Variants in MAGI1 observed in about 807,000 individuals in gnomAD.
The protein encoded by MAGI1 is membrane-associated guanylate kinase, WW and PDZ domain-containing protein 1.
In MAGI1, 58 loss-of-function variants were observed where a neutral mutation model predicts 139.9. The observed-to-expected ratio is 0.41, with a 90% CI of 0.34 to 0.52. The LOEUF (loss-of-function observed/expected upper bound fraction) is 0.52. MAGI1 is among the 20% of genes least tolerant of loss of function. The probability of loss-of-function intolerance (pLI) is 0.12; values close to 1 mark genes in which losing one functional copy is unlikely to be tolerated. For missense variants in MAGI1, 1,874 were observed against 1,901.6 expected (o/e 0.99, Z 0.27); for synonymous variants, 812 against 737.9 (o/e 1.10, Z -1.63).
At chr3:65,747,191 T>G (rs1032251242) in intron 1 of MAGI1, among the ~76,000 whole-genome samples, 1 of 152,194 alleles carries the variant, frequency 6.6e-6, no homozygotes, top group Non-Finnish European at 1.5e-5. Flanking sequence ...TGTATGAAAG[T>G]GGTTCTCAAA....
At chr3:65,846,974 T>TAAAAAAAAAAAAAA (rs1300326490) in intron 1 of MAGI1, among the ~76,000 whole-genome samples, 1 of 22,324 alleles carries the variant, frequency 4.5e-5, no homozygotes, top group Non-Finnish European at 6.4e-5. Context: ...AGCAATGTCT[T>TAAAAAAAAAAAAAA]ACAAAAAAAA....
intron 2 of MAGI1, among the ~76,000 whole-genome samples, chr3:65,610,604 C>T (rs901440875): frequency 6.6e-6 from 1 of 151,064 alleles, no homozygotes; most frequent in Non-Finnish European, 1.5e-5. Context: ...GAATATGTAT[C>T]CCTCAAGTCA....
chr3:65,658,033 T>C (rs183409371), intron 1 of MAGI1, among the ~76,000 whole-genome samples: 29 of 152,300 alleles, frequency 1.9e-4, no homozygotes, highest in African/African-American at 7.0e-4. Context: ...GAAAATAATT[T>C]GAGGTTTAAT....
chr3:65,551,700 C>T (rs1325303804), intron 2 of MAGI1, among the ~76,000 whole-genome samples: 7 of 152,232 alleles, frequency 4.6e-5, no homozygotes, highest in Non-Finnish European at 8.8e-5. Flanking sequence ...ATTTGTTACA[C>T]TTCACATAAT....
intron 6 of MAGI1, among the ~76,000 whole-genome samples, chr3:65,451,790 G>A (rs1280813353): frequency 2.6e-5 from 4 of 151,966 alleles, no homozygotes; most frequent in East Asian, 1.9e-4. Context: ...GACCACAGGC[G>A]CATGCCAACA....
intron 2 of MAGI1, among the ~76,000 whole-genome samples, chr3:65,568,208 G>A (rs115103163): frequency 6.6e-6 from 1 of 152,192 alleles, no homozygotes; most frequent in Non-Finnish European, 1.5e-5. Flanking sequence ...CTTGTTGATA[G>A]TGAAGCAGGA....
At chr3:65,714,984 G>T (rs1043224462) in intron 1 of MAGI1, among the ~76,000 whole-genome samples, 5 of 152,086 alleles carry the variant, frequency 3.3e-5, no homozygotes, top group Admixed American at 6.6e-5. Context: ...TCTGGACAAA[G>T]GATGGTGACA....
At chr3:65,973,692 T>G (rs2065116708) in intron 1 of MAGI1, among the ~76,000 whole-genome samples, 1 of 152,210 alleles carries the variant, frequency 6.6e-6, no homozygotes, top group Non-Finnish European at 1.5e-5. Flanking sequence ...TCATTATCCA[T>G]AAAATAGGGA....
At chr3:65,760,148 TTCCTCCTCC>T (rs34314563) in intron 1 of MAGI1, among the ~76,000 whole-genome samples, 4 of 150,298 alleles carry the variant, frequency 2.7e-5, no homozygotes, top group Non-Finnish European at 4.4e-5. Flanking sequence ...TGTCTTCAAC[TTCCTCCTCC>T]TCCTCCTCCT....
At chr3:65,515,207 C>T (rs1308066146) in intron 2 of MAGI1, among the ~76,000 whole-genome samples, 8 of 145,592 alleles carry the variant, frequency 5.5e-5, no homozygotes, top group Admixed American at 5.5e-4. Context: ...ATACCTAATG[C>T]TAGATGACGA....
intron 1 of MAGI1, among the ~76,000 whole-genome samples, chr3:65,807,265 T>C (rs1057309837): frequency 2.6e-5 from 4 of 152,214 alleles, no homozygotes; most frequent in Non-Finnish European, 5.9e-5. Context: ...AAGATCAACA[T>C]TCCAGCAGAT....
At chr3:65,557,520 T>A (rs1340435531) in intron 2 of MAGI1, among the ~76,000 whole-genome samples, 2 of 152,188 alleles carry the variant, frequency 1.3e-5, no homozygotes, top group Non-Finnish European at 2.9e-5. Flanking sequence ...CTGTGTGAGA[T>A]CATTAAATAT....
At chr3:65,497,150 T>G (rs1952515291) in intron 2 of MAGI1, among the ~76,000 whole-genome samples, 1 of 152,130 alleles carries the variant, frequency 6.6e-6, no homozygotes, top group African/African-American at 2.4e-5. Flanking sequence ...GAATGTAAAC[T>G]TAATAATAAT....
At chr3:65,854,126 G>A (rs1334249165) in intron 1 of MAGI1, among the ~76,000 whole-genome samples, 1 of 149,890 alleles carries the variant, frequency 6.7e-6, no homozygotes, top group African/African-American at 2.5e-5. Flanking sequence ...AAGTTGCCCT[G>A]ACAAAAACAG....
intron 1 of MAGI1, among the ~76,000 whole-genome samples, chr3:65,962,122 ATTTTTT>A (rs567359350): frequency 2.4e-5 from 3 of 122,526 alleles, no homozygotes; most frequent in Non-Finnish European, 3.4e-5. Context: ...ATCTGATTGT[ATTTTTT>A]TTTTTTTTTT....
intron 2 of MAGI1, among the ~76,000 whole-genome samples, chr3:65,571,435 G>A (rs1244540763): frequency 1.3e-5 from 2 of 151,932 alleles, no homozygotes; most frequent in Non-Finnish European, 2.9e-5. Flanking sequence ...ATTTATAAAA[G>A]GATCCAAATG....
chr3:65,655,135 G>A (rs1186260592), intron 1 of MAGI1, among the ~76,000 whole-genome samples: 1 of 152,066 alleles, frequency 6.6e-6, no homozygotes, highest in Non-Finnish European at 1.5e-5. Flanking sequence ...TGTAAAGCAG[G>A]GTAGAGTGGA....
intron 1 of MAGI1, among the ~76,000 whole-genome samples, chr3:65,831,508 T>C (rs17073922): frequency 0.092 from 14,068 of 152,198 alleles, 1,073 homozygotes; most frequent in South Asian, 0.23. Flanking sequence ...TTAACCACTC[T>C]TCCAAAGTAC....
chr3:65,800,420 C>CT (rs1227479223), intron 1 of MAGI1, among the ~76,000 whole-genome samples: 3 of 152,000 alleles, frequency 2.0e-5, no homozygotes, highest in Non-Finnish European at 4.4e-5. Flanking sequence ...TTGTGAATTT[C>CT]TTTTTTATCC....
Sources: gnomAD v4.1 joint callset for allele counts (sites outside exome capture counted in the v4.1 genomes callset) on GRCh38, gnomAD v4.1.1 for gene constraint, MANE v1.5 for transcripts, NCBI Gene and HGNC (gene_info 2026-07-23, HGNC 2026-07-21) for gene names.